The following PIWIL3 variants were observed in gnomAD, a reference collection of about 807,000 sequenced individuals.
The protein encoded by PIWIL3 is piwi like RNA-mediated gene silencing 3, also known as piwi-like protein 3.
In PIWIL3, 101 loss-of-function variants were observed where a neutral mutation model predicts 109.7. The observed-to-expected ratio is 0.92, with a 90% CI of 0.78 to 1.09. The LOEUF is 1.09. Ranked by LOEUF, PIWIL3 falls within the 50% of genes least tolerant of loss-of-function variation. The probability of loss-of-function intolerance (pLI) is 0.00; values close to 1 mark genes in which losing one functional copy is unlikely to be tolerated. For missense variants in PIWIL3, 1,031 were observed against 1,072.6 expected, an observed-to-expected ratio of 0.96 and a Z score of 0.54; for synonymous variants, 373 against 376.4, an observed-to-expected ratio of 0.99 and a Z score of 0.10.
rs1923095257 is a variant in PIWIL3 at position 24,727,974 on chromosome 22, G to T, written c.1985C>A (p.Ala662Glu). 1 of 1,613,146 alleles carries T rather than the reference G, an allele frequency of 6.2e-7. No individual in the cohort carries two copies. Among genetic ancestry groups the T allele is most frequent in the Admixed American group, 1.7e-5 (1 of 59,990 alleles). ...CTTTGTTAATTCAGCATTGGTACTTGCAACAAATCCTGCTATTGATTTCTG... is the reference window on the plus strand; with the variant it reads ...CTTTGTTAATTCAGCATTGGTACTTTCAACAAATCCTGCTATTGATTTCTG... Reference protein sequence around the residue: ...NRQKSIAGFVASTNAELTKWY... With the variant: ...NRQKSIAGFVESTNAELTKWY... The change falls in exon 16 of 21, where the codon GCA (alanine) becomes GAA (glutamate). Residue 662 changes from alanine (A) to glutamate (E), a missense_variant. Transcript: ENST00000616349.
chr22:24,764,439 C>A (rs943689627), intron 1 of PIWIL3, among the ~76,000 whole-genome samples: 1 of 152,140 alleles, frequency 6.6e-6, no homozygotes, highest in Non-Finnish European at 1.5e-5. Flanking sequence ...CTGCTATGAC[C>A]GTCCTTGGAT....
chr22:24,745,615 G>A (rs1046364484), intron 12 of PIWIL3, among the ~76,000 whole-genome samples: 2 of 148,598 alleles, frequency 1.3e-5, no homozygotes, highest in Non-Finnish European at 3.0e-5. Context: ...AGATCATAGA[G>A]CCAAGAAAAA....
rs781446356 is a variant in PIWIL3, at chr22:24,725,428, C to A, written c.2080+17G>T. 1.2e-6 allele frequency: 2 copies of A among 1,612,958 alleles called. No individual in the cohort carries two copies. Among genetic ancestry groups the A allele is most frequent in the Admixed American group, 1.7e-5 (1 of 60,012 alleles). Reference sequence around the variant, plus strand: ...CTTGTATAGTGTCGGGTTCCCCGACCGCTACAAGACACTGACCTTTCAAGC... The same window carrying A: ...CTTGTATAGTGTCGGGTTCCCCGACAGCTACAAGACACTGACCTTTCAAGC... On this transcript the variant is annotated intron_variant, in intron 17 of 20. Transcript: ENST00000616349.
At chr22:24,741,210 C>T (rs376745666) in intron 12 of PIWIL3, among the ~76,000 whole-genome samples, 29 of 152,274 alleles carry the variant, frequency 1.9e-4, no homozygotes, top group African/African-American at 6.0e-4. Context: ...AATCCAGCAT[C>T]GCTTTATGAT....
intron 12 of PIWIL3, among the ~76,000 whole-genome samples, chr22:24,747,692 G>A (rs1924456510): frequency 6.6e-6 from 1 of 152,108 alleles, no homozygotes; most frequent in Admixed American, 6.6e-5. Context: ...AAAAAGTGCT[G>A]ATATCAATGA....
At chr22:24,757,079 C>CAA (rs71189275) in intron 4 of PIWIL3, among the ~76,000 whole-genome samples, 1,051 of 91,456 alleles carry the variant, frequency 0.011, 21 homozygotes, top group African/African-American at 0.032. Context: ...AACTCCGTCT[C>CAA]AAAAAAAAAA....
At chr22:24,773,510 A>G (rs1299568715) in intron 1 of PIWIL3, among the ~76,000 whole-genome samples, 1 of 152,166 alleles carries the variant, frequency 6.6e-6, no homozygotes, top group African/African-American at 2.4e-5. Context: ...CATCTGCATC[A>G]TCCCCATCAA....
chr22:24,724,457 G>A (rs1389654181), intron 18 of PIWIL3, among the ~76,000 whole-genome samples: 3 of 148,250 alleles, frequency 2.0e-5, no homozygotes, highest in East Asian at 2.0e-4. Context: ...TTTTTGAGAC[G>A]GCGTTTCACT....
chr22:24,727,894 T>G (rs1004322002), intron 16 of PIWIL3, 56 bp downstream of exon 16: 2 of 1,389,030 alleles, frequency 1.4e-6, no homozygotes, highest in African/African-American at 2.9e-5. Flanking sequence ...GGTTCATCTT[T>G]TCTATTTGGT....
chr22:24,735,762 C>T lies in PIWIL3; in HGVS notation c.1580G>A (p.Gly527Asp). ...SSHREAMSLK[G>D]HLQSVTAPMG... The stretch of plus-strand genomic sequence containing the variant: ...GGGGGCTGTGACACTCTGTAGATGA[C>T]CCTTTAAGGACATGGCTTCTCTGTG... The change falls in exon 13 of 21, where the codon GGT (glycine) becomes GAT (aspartate). Residue 527 changes from glycine (G) to aspartate (D), a missense_variant. Coordinates refer to ENST00000616349, the MANE Select transcript of PIWIL3 (RefSeq NM_001255975.1). 1 of 1,613,936 alleles carries T rather than the reference C, an allele frequency of 6.2e-7. No individual in the cohort carries two copies. Among genetic ancestry groups the T allele is most frequent in the Non-Finnish European group, 8.5e-7 (1 of 1,179,908 alleles).
chr22:24,725,143 G>A, intron 17 of PIWIL3, 106 bp from the exon 18 acceptor site: 3 of 1,328,868 alleles, frequency 2.3e-6, no homozygotes, highest in African/African-American at 1.5e-5. Flanking sequence ...AGCTTTCAGG[G>A]CAATTTTACT....
At chr22:24,749,640 C>A (rs962781721) in intron 10 of PIWIL3, 53 bp downstream of exon 10, 23 of 1,613,024 alleles carry the variant, frequency 1.4e-5, no homozygotes, top group Non-Finnish European at 1.7e-5. Context: ...GAAAAGCCTG[C>A]GTTAAGTCGT....
intron 1 of PIWIL3, among the ~76,000 whole-genome samples, chr22:24,765,107 G>A (rs56320559): frequency 0.035 from 5,322 of 152,210 alleles, 123 homozygotes; most frequent in African/African-American, 0.047. Flanking sequence ...TTTGAATTTT[G>A]TTTTTATTTT....
At position 24,727,427 on chromosome 22, in the gene PIWIL3, G is replaced by A. The variant is rs150397730; in HGVS notation, c.2009+523C>T. 3.3e-3 allele frequency among the ~76,000 whole-genome samples: 498 copies of A among 152,344 alleles called. 1 individual carries two copies. The highest frequency in any genetic ancestry group is 0.01 in the Middle Eastern group (3 of 294). On this transcript the variant is annotated intron_variant, in intron 16 of 20. Transcript: ENST00000616349. ...CTCAATGTGCTATGGCTGGTTGGAA[G>A]ATGGAGAGGGGTTTGCTACATGAGA...
intron 12 of PIWIL3, among the ~76,000 whole-genome samples, chr22:24,741,986 A>G (rs1924035794): frequency 6.6e-6 from 1 of 152,140 alleles, no homozygotes. Flanking sequence ...ATATGATTGC[A>G]TACCTAGAAA....
intron 1 of PIWIL3, among the ~76,000 whole-genome samples, chr22:24,771,176 T>C (rs1478048276): frequency 6.6e-6 from 1 of 151,856 alleles, no homozygotes; most frequent in Non-Finnish European, 1.5e-5. Flanking sequence ...AGAAAGTTAC[T>C]TTCCGGCCGG....
In PIWIL3 at chr22:24,719,126, T is replaced by C. The variant is rs1363836514; in HGVS notation, c.*346A>G. The C allele has an allele frequency of 6.3e-6, 1 of 158,196 alleles. No homozygotes were observed. Among genetic ancestry groups the C allele is most frequent in the Non-Finnish European group, 1.4e-5 (1 of 72,278 alleles). 9.8% of individuals were successfully genotyped at this position (158,196 alleles called of 1,614,324 possible). On this transcript the variant is annotated 3_prime_UTR_variant, in exon 21 of 21. Coordinates refer to ENST00000616349, the MANE Select transcript of PIWIL3 (RefSeq NM_001255975.1). Reference sequence around the variant, plus strand: ...ACGTAGTTTTCCAAGTAGAGTTTACTTGTTCACAGATGTACTCTCTCTGTG... The same window carrying C: ...ACGTAGTTTTCCAAGTAGAGTTTACCTGTTCACAGATGTACTCTCTCTGTG...
At chr22:24,728,697 T>C (rs1359204615) in intron 14 of PIWIL3, among the ~76,000 whole-genome samples, 1 of 152,210 alleles carries the variant, frequency 6.6e-6, no homozygotes, top group East Asian at 1.9e-4. Context: ...TAAATTATAG[T>C]GTTGTAAATT....
intron 1 of PIWIL3, among the ~76,000 whole-genome samples, chr22:24,771,884 C>T (rs956854401): frequency 2.0e-5 from 3 of 152,048 alleles, no homozygotes; most frequent in Non-Finnish European, 4.4e-5. Context: ...TTAGTAGAGA[C>T]GGGGTTTCAC....
Sources: allele counts gnomAD v4.1 joint callset (sites outside exome capture counted in the v4.1 genomes callset), GRCh38; gene constraint gnomAD v4.1.1; transcripts MANE v1.5; gene names NCBI Gene and HGNC (gene_info 2026-07-23, HGNC 2026-07-21).